The following SACS variants were observed in gnomAD, a reference collection of about 807,000 sequenced individuals.
The protein encoded by SACS is sacsin.
SACS carries 197 observed loss-of-function variants against 348.0 expected under a neutral mutation model. That is an observed-to-expected ratio of 0.57 (90% CI 0.50 to 0.64). The LOEUF (loss-of-function observed/expected upper bound fraction) is 0.64. SACS is among the 30% of genes least tolerant of loss of function. The pLI is 0.00. For synonymous variants in SACS, 1,985 were observed against 1,910.6 expected, an observed-to-expected ratio of 1.04 and a Z score of -1.02; for missense variants, 4,999 against 5,360.8, an observed-to-expected ratio of 0.93 and a Z score of 2.11.
intron 2 of SACS, among the ~76,000 whole-genome samples, chr13:23,384,262 A>C (rs1872182158): frequency 6.6e-6 from 1 of 152,202 alleles, no homozygotes; most frequent in African/African-American, 2.4e-5. Flanking sequence ...TCAGCATTTA[A>C]CTTCCACTCA....
Position 23,339,632 on chromosome 13 carries a change from G to A in SACS, c.4244C>T (p.Ser1415Phe), listed in dbSNP as rs756436405. 44 of 1,611,796 alleles carry A rather than the reference G, an allele frequency of 2.7e-5. No individual in the cohort carries two copies. The highest frequency in any genetic ancestry group is 3.4e-6 in the Non-Finnish European group (4 of 1,178,454). ...VDDLNDLLED[S>F]VEPIILVHED... Reference sequence around the variant, plus strand: ...ATGCACCAAAATGATTGGTTCCACAGAATCTTCAAGTAAGTCATTAAGGTC... The same window carrying A: ...ATGCACCAAAATGATTGGTTCCACAAAATCTTCAAGTAAGTCATTAAGGTC... Residue 1415 changes from serine to phenylalanine, a missense_variant, in exon 10 of 10, where the codon TCT becomes TTT. Around this residue, in one of 6 missense-constraint regions of SACS, gnomAD observed 3,156 missense variants for 3,380.1 expected, o/e 0.93. Transcript: ENST00000382292.
chr13:23,388,201 G>A (rs1872374478), intron 2 of SACS, among the ~76,000 whole-genome samples: 1 of 151,912 alleles, frequency 6.6e-6, no homozygotes, highest in African/African-American at 2.4e-5. Flanking sequence ...GGGAGCGGTG[G>A]CTCACACCTG....
intron 1 of SACS, among the ~76,000 whole-genome samples, chr13:23,416,624 G>A (rs1873702631): frequency 1.3e-5 from 2 of 151,966 alleles, no homozygotes; most frequent in South Asian, 4.2e-4. Context: ...GGGCGTGGTG[G>A]CGCATGTCTG....
rs1288150073 is a variant in SACS at position 23,341,069 on chromosome 13, T to G, written c.2807A>C (p.Gln936Pro). The stretch of plus-strand genomic sequence containing the variant: ...CAATTTTGTATAAGAGGAAATTCCC[T>G]GATCAGAAGAATGGTTAATGCGCTT... Reference protein sequence around the residue: ...IFKRINHSSDQGISSYTKLKG... With the variant: ...IFKRINHSSDPGISSYTKLKG... Residue 936 changes from glutamine to proline, a missense_variant, in exon 10 of 10, where the codon CAG (glutamine) becomes CCG (proline). Gln to Pro is a moderately conservative substitution (Grantham distance 76). Transcript: ENST00000382292. 3 of 1,614,160 alleles carry G rather than the reference T, an allele frequency of 1.9e-6. No individual in the cohort carries two copies. The highest frequency in any genetic ancestry group is 2.5e-6 in the Non-Finnish European group (3 of 1,180,008).
Position 23,354,886 on chromosome 13 carries a change from A to G in SACS, c.1726T>C (p.Tyr576His), listed in dbSNP as rs1195776474. 1.9e-6 allele frequency: 3 copies of G among 1,614,234 alleles called. No homozygotes were observed. Reference sequence around the variant, plus strand: ...AAATTTTCATCAAGTTCTGAGAAGTACACCTGCTCCAACCTGACCCAGTCA... The same window carrying G: ...AAATTTTCATCAAGTTCTGAGAAGTGCACCTGCTCCAACCTGACCCAGTCA... ...SCDWVRLEQVYFSELDENLEY... is the reference protein window; with the variant it reads ...SCDWVRLEQVHFSELDENLEY... Residue 576 changes from tyrosine (Y) to histidine (H), a missense_variant, in exon 8 of 10, where the codon TAC (tyrosine) becomes CAC (histidine). By Grantham distance (83) the Tyr-to-His change is moderately conservative. Transcript: ENST00000382292.
At chr13:23,405,842 T>G (rs1192727158) in intron 2 of SACS, among the ~76,000 whole-genome samples, 1 of 152,174 alleles carries the variant, frequency 6.6e-6, no homozygotes, top group African/African-American at 2.4e-5. Flanking sequence ...AATGAGATAC[T>G]GTCTCATGCC....
chr13:23,348,666 G>A (rs1421877658), intron 9 of SACS, among the ~76,000 whole-genome samples: 1 of 152,224 alleles, frequency 6.6e-6, no homozygotes, highest in Non-Finnish European at 1.5e-5. Context: ...AGGGCAAGAT[G>A]TCAAAGAAAG....
Position 23,329,074 on chromosome 13 carries a change from A to T in SACS, c.*1062T>A, listed in dbSNP as rs908055056. ...ATTACCTTTTACATTCTGCAAAAGA[A>T]ATATGTTAAAGTAAAGAAGCATGGC... is the stretch of plus-strand genomic sequence containing the variant. On this transcript the variant is annotated 3_prime_UTR_variant, in exon 10 of 10. Coordinates refer to ENST00000382292, the MANE Select transcript of SACS (RefSeq NM_014363.6). 1.5e-5 allele frequency: 3 copies of T among 200,286 alleles called. No homozygotes were observed. Among genetic ancestry groups the T allele is most frequent in the African/African-American group, 7.0e-5 (3 of 42,894 alleles). The allele number at this position is 200,286 out of a possible 1,614,324, so 12.4% of individuals were successfully genotyped here. A position where few individuals can be genotyped will look rare whatever the true frequency, so the allele number is the denominator to read the frequency against.
chr13:23,390,824 G>A (rs1446370481), intron 2 of SACS, among the ~76,000 whole-genome samples: 1 of 152,220 alleles, frequency 6.6e-6, no homozygotes, highest in Non-Finnish European at 1.5e-5. Flanking sequence ...AGTGCCCGCA[G>A]ATGTTAAGTA....
chr13:23,332,376 T>C lies in SACS; in HGVS notation c.11500A>G (p.Thr3834Ala). Residue 3834 changes from threonine to alanine, a missense_variant, in exon 10 of 10, where the codon ACA becomes GCA. By Grantham distance (58) the Thr-to-Ala change is moderately conservative. Transcript: ENST00000382292. The stretch of plus-strand genomic sequence containing the variant: ...AAGTGTTTGAACAACTGGTGAAATG[T>C]GCCAAGTTCTAAAGGTAGCTTGTAC... ...YLYKLPLELGTFHQLFKHLGT... is the reference protein window; with the variant it reads ...YLYKLPLELGAFHQLFKHLGT... The C allele has an allele frequency of 6.2e-7, 1 of 1,614,038 alleles. No individual in the cohort carries two copies. Among genetic ancestry groups the C allele is most frequent in the Non-Finnish European group, 8.5e-7 (1 of 1,179,914 alleles).
intron 9 of SACS, among the ~76,000 whole-genome samples, chr13:23,343,477 G>A (rs1869400937): frequency 6.6e-6 from 1 of 152,154 alleles, no homozygotes; most frequent in Admixed American, 6.5e-5. Context: ...ACGAGGTCAG[G>A]AGTTCAAGAC....
chr13:23,331,113 TGCTTTG>T lies in SACS; in HGVS notation c.12757_12762del (p.Gln4253_Ser4254del), dbSNP rs1443037098. 3.7e-6 allele frequency: 6 copies of T among 1,614,032 alleles called. No individual in the cohort carries two copies. The African/African-American group carries it at 8.0e-5, about 22-fold the overall frequency. Reference sequence around the variant, plus strand: ...GTTGGTGTAGAAGGAGCACTGTCCCTGCTTTGAGAGCTTTCCTCAGGTCTTGAAAAC... The same window carrying T: ...GTTGGTGTAGAAGGAGCACTGTCCCTAGAGCTTTCCTCAGGTCTTGAAAAC... On this transcript the variant is annotated inframe_deletion, in exon 10 of 10. Transcript: ENST00000382292.
At position 23,354,671 on chromosome 13, in the gene SACS, C is replaced by G; in HGVS notation, c.1941G>C (p.Lys647Asn). ...KCAHLGCAEE[K>N]LHLLEFVLSD... ...AAAGCACAAATTCTAGAAGGTGAAG[C>G]TTTTCTTCAGCACAGCCCAGGTGTG... The change falls in exon 8 of 10, where the codon AAG becomes AAC. Residue 647 changes from lysine (K) to asparagine (N), a missense_variant. Lys to Asn is a moderately conservative substitution (Grantham distance 94, BLOSUM62 0). Transcript: ENST00000382292. 1 of 1,614,198 alleles carries G rather than the reference C, an allele frequency of 6.2e-7. No individual in the cohort carries two copies. The highest frequency in any genetic ancestry group is 8.5e-7 in the Non-Finnish European group (1 of 1,180,044).
intron 1 of SACS, among the ~76,000 whole-genome samples, chr13:23,424,385 C>T (rs36000508): frequency 0.079 from 11,948 of 152,192 alleles, 644 homozygotes; most frequent in East Asian, 0.22. Flanking sequence ...ATTAGCCGGG[C>T]ATGGTGGCGC....
chr13:23,384,746 A>G (rs1872202699), intron 2 of SACS, among the ~76,000 whole-genome samples: 2 of 152,214 alleles, frequency 1.3e-5, no homozygotes, highest in Admixed American at 1.3e-4. Flanking sequence ...ATTGGCATTC[A>G]TGCAGGATCT....
Position 23,358,525 on chromosome 13 carries a change from G to C in SACS, c.458-44C>G, listed in dbSNP as rs756136288. 6.8e-6 allele frequency: 11 copies of C among 1,606,978 alleles called. No individual in the cohort carries two copies. The African/African-American group carries it at 1.3e-4, about 20-fold the overall frequency. ...AGGCAGGAATTCAAAAAAGATACCAGGGTGTTCTGTTCTATCTCAAGAGAT... is the reference window on the plus strand; with the variant it reads ...AGGCAGGAATTCAAAAAAGATACCACGGTGTTCTGTTCTATCTCAAGAGAT... On this transcript the variant is annotated intron_variant, in intron 6 of 9. Transcript: ENST00000382292.
chr13:23,430,472 C>T (rs151202185), intron 1 of SACS, among the ~76,000 whole-genome samples: 1 of 152,100 alleles, frequency 6.6e-6, no homozygotes, highest in East Asian at 1.9e-4. Context: ...ATGTTTATGT[C>T]TTATGCAATA....
chr13:23,428,818 C>T (rs1206102154), intron 1 of SACS: 5 of 152,302 alleles, frequency 3.3e-5, no homozygotes, highest in Non-Finnish European at 5.9e-5. Context: ...CTTTGACTCT[C>T]CTACTTAGGT....
At position 23,331,270 on chromosome 13, in the gene SACS, T is replaced by C. The variant is rs780674369; in HGVS notation, c.12606A>G (p.Thr4202=). The C allele has an allele frequency of 6.2e-7, 1 of 1,614,044 alleles. No individual in the cohort carries two copies. The highest frequency in any genetic ancestry group is 1.1e-5 in the South Asian group (1 of 91,086). ...DIYGSYQPTY[T]YAIIVQEVER... ...CAACTTCTTGTACAATAATTGCATA[T>C]GTGTATGTTGGCTGGTATGATCCAT... The change falls in exon 10 of 10, where the codon ACA becomes ACG. Residue 4202 remains threonine (T), a synonymous_variant. Coordinates refer to ENST00000382292, the MANE Select transcript of SACS (RefSeq NM_014363.6).
Sources: gnomAD v4.1 joint callset for allele counts (sites outside exome capture counted in the v4.1 genomes callset) on GRCh38, gnomAD v4.1.1 for gene constraint, gnomAD v4.1.1 regional missense constraint, MANE v1.5 for transcripts, NCBI Gene and HGNC (gene_info 2026-07-23, HGNC 2026-07-21) for gene names.